HIF1A: variants seen among roughly 807,000 people sequenced by gnomAD.
HIF1A encodes hypoxia-inducible factor 1-alpha.
A neutral mutation model predicts 92.7 loss-of-function variants in HIF1A; 24 were observed. That is an observed-to-expected ratio of 0.26 (90% CI 0.19 to 0.36). The LOEUF is 0.36. HIF1A is among the 10% of genes least tolerant of loss of function. HIF1A has a pLI of 1.00. For synonymous variants in HIF1A, 319 were observed against 338.7 expected (o/e 0.94, Z 0.64); for missense variants, 799 against 998.5 (o/e 0.80, Z 2.69).
chr14:61,713,663 T>A (rs2044332080), intron 1 of HIF1A, among the ~76,000 whole-genome samples: 1 of 152,186 alleles, frequency 6.6e-6, no homozygotes, highest in African/African-American at 2.4e-5. Flanking sequence ...GCCCTACACA[T>A]CTCTTCATGT....
intron 7 of HIF1A, 21 bp downstream of exon 7, chr14:61,732,545 C>CA: frequency 7.3e-7 from 1 of 1,376,134 alleles, no homozygotes; most frequent in East Asian, 2.3e-5. Flanking sequence ...TGGAAGAACT[C>CA]AGAGATATTC....
In HIF1A at chr14:61,734,260, A is replaced by G; in HGVS notation, c.1003A>G (p.Ile335Val). ...CACCAAGAATTCTCAACCACAGTGC[A>G]TTGTATGTGTGAATTACGTTGTGAG... Reference protein sequence around the residue: ...YNTKNSQPQCIVCVNYVVSGI... With the variant: ...YNTKNSQPQCVVCVNYVVSGI... Residue 335 changes from isoleucine (I) to valine (V), a missense_variant, in exon 8 of 15, where the codon ATT (isoleucine) becomes GTT (valine). Transcript: ENST00000337138. 6.2e-7 allele frequency: 1 copy of G among 1,611,838 alleles called. No homozygotes were observed. Among genetic ancestry groups the G allele is most frequent in the Non-Finnish European group, 8.5e-7 (1 of 1,178,958 alleles).
rs574937597 is a variant in HIF1A at position 61,732,307 on chromosome 14, A to G, written c.774-111A>G. Reference sequence around the variant, plus strand: ...AGCAAAGGAGGATGCTCATTTTTGAAAATTCACTTGTCCATAAGATTAATG... The same window carrying G: ...AGCAAAGGAGGATGCTCATTTTTGAGAATTCACTTGTCCATAAGATTAATG... On this transcript the variant is annotated intron_variant, in intron 6 of 14. Coordinates refer to ENST00000337138, the MANE Select transcript of HIF1A (RefSeq NM_001530.4). 10 of 675,788 alleles carry G rather than the reference A, an allele frequency of 1.5e-5. No individual in the cohort carries two copies. The African/African-American group carries it at 1.8e-4, about 12-fold the overall frequency. The allele number at this position is 675,788 out of a possible 1,614,324, so 41.9% of individuals were successfully genotyped here. A position where few individuals can be genotyped will look rare whatever the true frequency, so the allele number is the denominator to read the frequency against.
At chr14:61,701,447 C>T (rs903628130) in intron 1 of HIF1A, among the ~76,000 whole-genome samples, 3 of 151,704 alleles carry the variant, frequency 2.0e-5, no homozygotes, top group African/African-American at 7.3e-5. Flanking sequence ...ACAGGTCCCC[C>T]GTGTTTCCCC....
At chr14:61,700,811 CCTTCT>C (rs1242331735) in intron 1 of HIF1A, among the ~76,000 whole-genome samples, 1 of 152,218 alleles carries the variant, frequency 6.6e-6, no homozygotes, top group African/African-American at 2.4e-5. Context: ...TTCTTTCCTT[CCTTCT>C]CTTCTCTTTC....
At chr14:61,737,155 C>G (rs747524108) in intron 9 of HIF1A, 46 bp downstream of exon 9, 1 of 1,341,208 alleles carries the variant, frequency 7.5e-7, no homozygotes, top group South Asian at 1.2e-5. Context: ...TCTGTTGCTA[C>G]AAGCCCCATT....
chr14:61,720,387 G>T lies in HIF1A; in HGVS notation c.41G>T (p.Ser14Ile), dbSNP rs1381507939. Residue 14 changes from serine to isoleucine, a missense_variant, in exon 2 of 15, where the codon AGT (serine) becomes ATT (isoleucine). Coordinates refer to ENST00000337138, the MANE Select transcript of HIF1A (RefSeq NM_001530.4). The part of the protein sequence containing the change: ...AGGANDKKKI[S>I]SERRKEKSRD... ...TTCTTGTTGTTGTTAAGTAGGATAAGTTCTGAACGTCGAAAAGAAAAGTCT... is the reference window on the plus strand; with the variant it reads ...TTCTTGTTGTTGTTAAGTAGGATAATTTCTGAACGTCGAAAAGAAAAGTCT... 2 of 1,610,590 alleles carry T rather than the reference G, an allele frequency of 1.2e-6. No individual in the cohort carries two copies. Among genetic ancestry groups the T allele is most frequent in the South Asian group, 2.2e-5 (2 of 90,430 alleles).
At chr14:61,731,319 C>T (rs1371930319) in intron 6 of HIF1A, among the ~76,000 whole-genome samples, 1 of 152,132 alleles carries the variant, frequency 6.6e-6, no homozygotes, top group Non-Finnish European at 1.5e-5. Flanking sequence ...CAGCATGGTA[C>T]TAAGAAGACA....
In HIF1A at chr14:61,746,918, C is replaced by A. The variant is rs769469887; in HGVS notation, c.2330-16C>A. ...ACTAGATGAATGTATACTTAGGTAT[C>A]TCTTTTGTTTTTCAGATTTAGCATG... On this transcript the variant is annotated splice_polypyrimidine_tract_variant and intron_variant, in intron 14 of 14. Coordinates refer to ENST00000337138, the MANE Select transcript of HIF1A (RefSeq NM_001530.4). The A allele has an allele frequency of 1.9e-6, 3 of 1,580,250 alleles. No individual in the cohort carries two copies. Among genetic ancestry groups the A allele is most frequent in the Non-Finnish European group, 2.6e-6 (3 of 1,159,352 alleles).
At chr14:61,727,251 G>T (rs187868259) in intron 5 of HIF1A, among the ~76,000 whole-genome samples, 1 of 152,214 alleles carries the variant, frequency 6.6e-6, no homozygotes, top group Non-Finnish European at 1.5e-5. Context: ...AAAGAGTAAT[G>T]TATAGGCCCT....
intron 13 of HIF1A, 60 bp from the exon 14 acceptor site, chr14:61,745,631 T>A: frequency 7.0e-7 from 1 of 1,430,816 alleles, no homozygotes; most frequent in Non-Finnish European, 9.8e-7. Context: ...TTTCAAGGTT[T>A]TTGGTTGTTT....
chr14:61,727,540 T>G lies in HIF1A; in HGVS notation c.658T>G (p.Leu220Val). Residue 220 changes from leucine (L) to valine (V), a missense_variant, in exon 6 of 15, where the codon TTG becomes GTG. Leu to Val is a conservative substitution (Grantham distance 32). Transcript: ENST00000337138. ...CGYKKPPMTC[L>V]VLICEPIPHP... ...GTATAAGAAACCACCTATGACCTGC[T>G]TGGTGCTGATTTGTGAACCCATTCC... 3.1e-6 allele frequency: 5 copies of G among 1,613,870 alleles called. No homozygotes were observed. The highest frequency in any genetic ancestry group is 4.2e-6 in the Non-Finnish European group (5 of 1,179,776).
chr14:61,717,793 G>A (rs1271078239), intron 1 of HIF1A, among the ~76,000 whole-genome samples: 3 of 151,834 alleles, frequency 2.0e-5, no homozygotes, highest in Non-Finnish European at 1.5e-5. Context: ...AGGCCGAGGC[G>A]GGTGGATCAC....
At chr14:61,719,345 C>T (rs1014566811) in intron 1 of HIF1A, among the ~76,000 whole-genome samples, 4 of 152,150 alleles carry the variant, frequency 2.6e-5, no homozygotes, top group African/African-American at 9.7e-5. Flanking sequence ...AAGAGAAATA[C>T]TGTGGAAGAG....
At chr14:61,738,903 A>G (rs945701766) in intron 10 of HIF1A, among the ~76,000 whole-genome samples, 1 of 151,896 alleles carries the variant, frequency 6.6e-6, no homozygotes, top group African/African-American at 2.4e-5. Flanking sequence ...TGCCTGGCTA[A>G]TTTTTTAACC....
chr14:61,723,812 T>C (rs1175232354), intron 4 of HIF1A, among the ~76,000 whole-genome samples: 2 of 152,228 alleles, frequency 1.3e-5, no homozygotes, highest in Non-Finnish European at 2.9e-5. Flanking sequence ...TTTAAATGTA[T>C]GTTTCGAACC....
chr14:61,728,265 AAAGAT>A (rs1305598470), intron 6 of HIF1A, among the ~76,000 whole-genome samples: 3 of 152,210 alleles, frequency 2.0e-5, no homozygotes, highest in East Asian at 3.9e-4. Flanking sequence ...TATTTTGAGC[AAAGAT>A]AGATTACCTT....
intron 4 of HIF1A, 148 bp from the exon 5 acceptor site, chr14:61,726,558 G>A: frequency 1.9e-6 from 1 of 530,026 alleles, no homozygotes; most frequent in Non-Finnish European, 3.4e-6. Context: ...GTGCTGGAGT[G>A]AGTAAAAGGG....
intron 6 of HIF1A, 23 bp downstream of exon 6, chr14:61,727,678 A>T: frequency 9.8e-6 from 15 of 1,537,008 alleles, no homozygotes; most frequent in Non-Finnish European, 1.1e-5. Context: ...TAAAATGTGA[A>T]TTTGAAATTT....
Sources: gnomAD v4.1 joint callset for allele counts (sites outside exome capture counted in the v4.1 genomes callset) on GRCh38, gnomAD v4.1.1 for gene constraint, MANE v1.5 for transcripts, NCBI Gene and HGNC (gene_info 2026-07-23, HGNC 2026-07-21) for gene names.